WIPF1: variants seen among roughly 807,000 people sequenced by gnomAD.
WIPF1 encodes WAS/WASL-interacting protein family member 1.
Under a neutral mutation model 35.4 loss-of-function variants are expected in WIPF1, and 13 were observed. The ratio of observed to expected loss-of-function variants is 0.37; its 90% confidence interval spans 0.24 to 0.58. The LOEUF (loss-of-function observed/expected upper bound fraction) is 0.58. Among genes scored for constraint, WIPF1 ranks in the 20% least tolerant of loss-of-function variants. The probability of loss-of-function intolerance (pLI) is 0.74; values close to 1 mark genes in which losing one functional copy is unlikely to be tolerated. For missense variants in WIPF1, 591 were observed against 667.0 expected, an observed-to-expected ratio of 0.89 and a Z score of 1.25; for synonymous variants, 267 against 266.3, an observed-to-expected ratio of 1.00 and a Z score of -0.02.
intron 1 of WIPF1, among the ~76,000 whole-genome samples, chr2:174,593,786 C>G (rs867751067): frequency 8.5e-5 from 13 of 152,220 alleles, no homozygotes; most frequent in African/African-American, 2.7e-4. Context: ...TCCCTTCCCC[C>G]CAGCATGTGG....
At chr2:174,633,030 G>A (rs1687075564) in intron 1 of WIPF1, among the ~76,000 whole-genome samples, 1 of 152,164 alleles carries the variant, frequency 6.6e-6, no homozygotes. Context: ...TCCAACCAGT[G>A]ATAAATCCAA....
upstream of WIPF1, among the ~76,000 whole-genome samples, chr2:174,600,017 A>C (rs1041714823): frequency 3.3e-5 from 5 of 152,218 alleles, no homozygotes; most frequent in Non-Finnish European, 7.3e-5. Context: ...GATTCTCATA[A>C]GGAGCTCGCA....
At chr2:174,599,351 T>G (rs1186811812), upstream of WIPF1, among the ~76,000 whole-genome samples, 1 of 152,160 alleles carries the variant, frequency 6.6e-6, no homozygotes, top group Non-Finnish European at 1.5e-5. Flanking sequence ...TCTTTTAAAC[T>G]CAAAATTCCC....
At chr2:174,630,774 A>G (rs1047965923) in intron 1 of WIPF1, 1 of 152,210 alleles carries the variant, frequency 6.6e-6, no homozygotes, top group African/African-American at 2.4e-5. Flanking sequence ...AAGAATCACC[A>G]CACAGCACTG....
chr2:174,661,753 A>AT (rs1248867115), intron 1 of WIPF1, among the ~76,000 whole-genome samples: 2 of 152,156 alleles, frequency 1.3e-5, no homozygotes, highest in Non-Finnish European at 2.9e-5. Context: ...GCACTTAATA[A>AT]ATGTTTGTTG....
At chr2:174,634,215 C>A (rs1472511226) in intron 1 of WIPF1, among the ~76,000 whole-genome samples, 1 of 152,174 alleles carries the variant, frequency 6.6e-6, no homozygotes, top group African/African-American at 2.4e-5. Context: ...GTAAAAATGA[C>A]AAGAGGCCTA....
In WIPF1 at chr2:174,597,285, A is replaced by G. The variant is rs1172864560; in HGVS notation, c.-39+316T>C. Among the ~76,000 whole-genome samples, 2 of 152,236 alleles carry G rather than the reference A, an allele frequency of 1.3e-5. 1 individual carries two copies. Among genetic ancestry groups the G allele is most frequent in the Non-Finnish European group, 2.9e-5 (2 of 68,034 alleles). ...TGTGTGGACAACTGTATCATACACCAAAAGGATATATTTACCGACATAAGC... is the reference window on the plus strand; with the variant it reads ...TGTGTGGACAACTGTATCATACACCGAAAGGATATATTTACCGACATAAGC... On this transcript the variant is annotated intron_variant, in intron 1 of 7. Coordinates refer to ENST00000679041, the MANE Select transcript of WIPF1 (RefSeq NM_001375834.1).
intron 1 of WIPF1, among the ~76,000 whole-genome samples, chr2:174,634,367 G>A (rs1311801180): frequency 2.0e-5 from 3 of 152,242 alleles, no homozygotes; most frequent in Admixed American, 6.5e-5. Context: ...CTCTAACAAC[G>A]TGCAGTTAAC....
At chr2:174,665,822 G>A (rs915810222) in intron 1 of WIPF1, 1 of 152,178 alleles carries the variant, frequency 6.6e-6, no homozygotes, top group Non-Finnish European at 1.5e-5. Flanking sequence ...TTTCTACAAT[G>A]GACTCTGCTC....
rs1456118215 is a variant in WIPF1, at chr2:174,571,633, C to T, written c.1129+43G>A. ...TGACAGGATTATTGGTACATTTGGG[C>T]AGGCTGGGTTTTGGAAGCAACTCAC... On this transcript the variant is annotated intron_variant, in intron 5 of 7. Transcript: ENST00000679041. This position sits in a 1 kb window ranked among gnomAD's most constrained non-coding sequence, Gnocchi z 4.6. 6.2e-7 allele frequency: 1 copy of T among 1,613,300 alleles called. No homozygotes were observed. Among genetic ancestry groups the T allele is most frequent in the Non-Finnish European group, 8.5e-7 (1 of 1,179,516 alleles).
intron 2 of WIPF1, among the ~76,000 whole-genome samples, chr2:174,585,097 C>G (rs1034563122): frequency 6.6e-6 from 1 of 152,050 alleles, no homozygotes; most frequent in Non-Finnish European, 1.5e-5. Flanking sequence ...GGAGTGAGAC[C>G]GGAAGACACT....
At chr2:174,625,034 T>C (rs369199755) in intron 1 of WIPF1, among the ~76,000 whole-genome samples, 44 of 152,118 alleles carry the variant, frequency 2.9e-4, no homozygotes, top group African/African-American at 1.0e-3. Context: ...TTCCAAGGCT[T>C]GCAGAACCCC....
chr2:174,675,103 T>A (rs922539416), intron 1 of WIPF1, among the ~76,000 whole-genome samples: 23 of 152,202 alleles, frequency 1.5e-4, no homozygotes, highest in African/African-American at 5.1e-4. Context: ...TGTGGCATAA[T>A]GTATTAATAA....
At chr2:174,671,213 C>T (rs1214661701) in intron 1 of WIPF1, among the ~76,000 whole-genome samples, 1 of 152,198 alleles carries the variant, frequency 6.6e-6, no homozygotes, top group Non-Finnish European at 1.5e-5. Flanking sequence ...CAAATTAACA[C>T]TTTTATAATT....
At position 174,678,876 on chromosome 2, in the gene WIPF1, C is replaced by T. The variant is rs149031875; in HGVS notation, c.-39+3898G>A. Among the ~76,000 whole-genome samples the T allele has an allele frequency of 4.9e-3, 750 of 152,266 alleles. 4 individuals carry two copies. Among genetic ancestry groups the T allele is most frequent in the Middle Eastern group, 0.017 (5 of 294 alleles). ...GGGGGCTGTTAAAATATGAGATGAC[C>T]GACATGAAACACTTGGTAAACTACA... is the stretch of plus-strand genomic sequence containing the variant. On this transcript the variant is annotated intron_variant, in intron 1 of 8. Transcript: ENST00000272746.
intron 1 of WIPF1, among the ~76,000 whole-genome samples, chr2:174,656,868 T>C (rs1687650709): frequency 6.6e-6 from 1 of 152,240 alleles, no homozygotes. Context: ...GAATGGTTAA[T>C]TTTTATACAG....
chr2:174,575,841 G>A (rs1349076663), intron 3 of WIPF1, among the ~76,000 whole-genome samples: 1 of 152,050 alleles, frequency 6.6e-6, no homozygotes, highest in African/African-American at 2.4e-5. Flanking sequence ...CCCTGTCTCA[G>A]TAAAAAGGAT....
Position 174,608,008 on chromosome 2 carries a change from T to C in WIPF1, c.-38-22397A>G, listed in dbSNP as rs2105893916. Among the ~76,000 whole-genome samples the C allele has an allele frequency of 2.0e-5, 3 of 152,212 alleles. No homozygotes were observed. In the South Asian group the frequency reaches 6.2e-4, roughly 32 times the overall value. On this transcript the variant is annotated intron_variant, in intron 1 of 8. Transcript: ENST00000272746. ...ATAAAGTGGAAATTGTTAGATTTGC[T>C]CTCCAAAAAGACCTGGGGAGGCTCT...
Position 174,596,746 on chromosome 2 carries a change from A to C in WIPF1, c.-39+855T>G, listed in dbSNP as rs115936939. ...CTACTAAAAATACAAAAACAAAAAA[A>C]ACAAAAAACTTGTACTTAGTGACTA... On this transcript the variant is annotated intron_variant, in intron 1 of 7. Coordinates refer to ENST00000679041, the MANE Select transcript of WIPF1 (RefSeq NM_001375834.1). 8.8e-3 allele frequency among the ~76,000 whole-genome samples: 1,344 copies of C among 152,246 alleles called. 28 individuals are homozygous for C. Among genetic ancestry groups the C allele is most frequent in the African/African-American group, 0.031 (1,285 of 41,552 alleles).
Sources: gnomAD v4.1 joint callset for allele counts (sites outside exome capture counted in the v4.1 genomes callset) on GRCh38, gnomAD v4.1.1 for gene constraint, Gnocchi (gnomAD v3.1) non-coding constraint, MANE v1.5 for transcripts, NCBI Gene and HGNC (gene_info 2026-07-23, HGNC 2026-07-21) for gene names.